CSMD1: variants seen among roughly 807,000 people sequenced by gnomAD.
CSMD1 encodes the protein CUB and Sushi multiple domains 1, also known as CUB and sushi domain-containing protein 1.
Under a neutral mutation model 417.5 loss-of-function variants are expected in CSMD1, and 213 were observed. The ratio of observed to expected loss-of-function variants is 0.51; its 90% CI spans 0.46 to 0.57. The LOEUF (loss-of-function observed/expected upper bound fraction) is 0.57, where lower values mean the gene tolerates loss of function less well. Ranked by LOEUF, CSMD1 falls within the 20% of genes least tolerant of loss-of-function variation. The pLI is 0.00. For missense variants in CSMD1, 6,923 were observed against 4,529.7 expected (o/e 1.53, Z -15.17); for synonymous variants, 2,862 against 1,736.8 (o/e 1.65, Z -16.11).
At chr8:3,704,803 C>T (rs1801074981) in intron 7 of CSMD1, 2 of 152,246 alleles carry the variant, frequency 1.3e-5, no homozygotes, top group African/African-American at 4.8e-5. Context: ...TCTCCCATTC[C>T]TTGTCATGAT....
intron 3 of CSMD1, among the ~76,000 whole-genome samples, chr8:4,339,170 G>C (rs1348815199): frequency 3.3e-5 from 5 of 152,068 alleles, no homozygotes; most frequent in African/African-American, 9.7e-5. Flanking sequence ...AAATTCTTGA[G>C]CCAGGCTTTA....
At chr8:3,542,638 G>T (rs998271467) in intron 10 of CSMD1, among the ~76,000 whole-genome samples, 5 of 152,156 alleles carry the variant, frequency 3.3e-5, no homozygotes, top group African/African-American at 1.2e-4. Context: ...ATACATAGGA[G>T]GTAACACAGG....
At chr8:4,240,929 A>G (rs1346054320) in intron 3 of CSMD1, among the ~76,000 whole-genome samples, 2 of 152,152 alleles carry the variant, frequency 1.3e-5, no homozygotes, top group Non-Finnish European at 2.9e-5. Flanking sequence ...TTATTTTTCC[A>G]TTACCAACTT....
At chr8:3,536,153 T>A (rs1253719329) in intron 10 of CSMD1, among the ~76,000 whole-genome samples, 1 of 152,210 alleles carries the variant, frequency 6.6e-6, no homozygotes, top group African/African-American at 2.4e-5. Flanking sequence ...TCAACTGTCA[T>A]TACATAGGAG....
chr8:4,523,042 T>A (rs1183059518), intron 2 of CSMD1, among the ~76,000 whole-genome samples: 1 of 152,188 alleles, frequency 6.6e-6, no homozygotes, highest in East Asian at 1.9e-4. Flanking sequence ...CAGGTTTTCA[T>A]AAGCTCTGCA....
chr8:3,968,326 A>T (rs1447855799), intron 5 of CSMD1, among the ~76,000 whole-genome samples: 1 of 152,186 alleles, frequency 6.6e-6, no homozygotes, highest in African/African-American at 2.4e-5. Context: ...TTGCCTGGAC[A>T]GAGGGCTATA....
At chr8:3,173,689 A>T (rs960311516) in intron 37 of CSMD1, among the ~76,000 whole-genome samples, 1 of 152,204 alleles carries the variant, frequency 6.6e-6, no homozygotes, top group Non-Finnish European at 1.5e-5. Context: ...GCACAGAATG[A>T]AATCTCTGTA....
At chr8:4,909,961 A>T (rs71523652) in intron 1 of CSMD1, among the ~76,000 whole-genome samples, 36,514 of 152,070 alleles carry the variant, frequency 0.24, 5,082 homozygotes, top group East Asian at 0.52. Context: ...CTTGTGGATG[A>T]TTTTACTATA....
intron 2 of CSMD1, among the ~76,000 whole-genome samples, chr8:4,492,154 G>C (rs981407006): frequency 1.3e-5 from 2 of 152,128 alleles, no homozygotes; most frequent in African/African-American, 4.8e-5. Flanking sequence ...TAGAGCACAG[G>C]AGTGCGATCA....
chr8:3,582,084 C>G (rs1011345284), intron 9 of CSMD1, among the ~76,000 whole-genome samples: 1 of 152,126 alleles, frequency 6.6e-6, no homozygotes. Context: ...CGTGAGCCAC[C>G]GCGCTGGCCA....
At chr8:4,397,349 A>G (rs1804310268) in intron 3 of CSMD1, among the ~76,000 whole-genome samples, 1 of 152,154 alleles carries the variant, frequency 6.6e-6, no homozygotes, top group African/African-American at 2.4e-5. Flanking sequence ...TCTTTCCATG[A>G]AAGAGGAAGT....
At chr8:3,105,592 T>C (rs893764770) in intron 46 of CSMD1, among the ~76,000 whole-genome samples, 1 of 152,262 alleles carries the variant, frequency 6.6e-6, no homozygotes, top group Non-Finnish European at 1.5e-5. Flanking sequence ...TCAGCCTCAG[T>C]ATCTTGTTCT....
At chr8:4,330,327 G>A (rs550140439) in intron 3 of CSMD1, among the ~76,000 whole-genome samples, 3 of 151,506 alleles carry the variant, frequency 2.0e-5, no homozygotes, top group African/African-American at 4.8e-5. Context: ...GGGCGTGCTG[G>A]CTCACACCTG....
chr8:4,908,064 A>C (rs1343128924), intron 1 of CSMD1, among the ~76,000 whole-genome samples: 1 of 152,286 alleles, frequency 6.6e-6, no homozygotes, highest in East Asian at 1.9e-4. Flanking sequence ...CCATTAATTT[A>C]AGGTGGTTTT....
Position 4,057,385 on chromosome 8 carries a change from T to C in CSMD1, c.416-25286A>G, listed in dbSNP as rs1037630818. On this transcript the variant is annotated intron_variant, in intron 3 of 69. Coordinates refer to ENST00000635120, the MANE Select transcript of CSMD1 (RefSeq NM_033225.6). ...GCCTACTTTTTGATGGGGTTATTTG[T>C]TTTTTTCTTGTAAATTTGTTTGAGT... Among the ~76,000 whole-genome samples, 3 of 119,942 alleles carry C rather than the reference T, an allele frequency of 2.5e-5. No homozygotes were observed. The Admixed American group carries it at 3.4e-4, about 14-fold the overall frequency. The allele number at this position is 119,942 out of a possible 152,430, so 78.7% of individuals were successfully genotyped here.
intron 6 of CSMD1, among the ~76,000 whole-genome samples, chr8:3,745,187 T>C (rs1327079865): frequency 6.6e-6 from 1 of 152,212 alleles, no homozygotes; most frequent in Non-Finnish European, 1.5e-5. Flanking sequence ...AACTCTATCA[T>C]TTCTCTGTTA....
At position 3,493,833 on chromosome 8, in the gene CSMD1, C is replaced by G. The variant is rs866538582; in HGVS notation, c.1345-107G>C. The G allele has an allele frequency of 5.0e-6, 4 of 802,332 alleles. No individual in the cohort carries two copies. The South Asian group carries it at 7.0e-5, about 14-fold the overall frequency. The allele number at this position is 802,332 out of a possible 1,614,324, so 49.7% of individuals were successfully genotyped here. A position where few individuals can be genotyped will look rare whatever the true frequency, so the allele number is the denominator to read the frequency against. On this transcript the variant is annotated intron_variant, in intron 10 of 69. Transcript: ENST00000635120. ...TACTGTTAAATTTTGCTCCTTAATG[C>G]CAATGTCAAATGATCCCAGAGCTGC...
intron 2 of CSMD1, among the ~76,000 whole-genome samples, chr8:4,593,261 C>T (rs899443077): frequency 4.6e-5 from 7 of 152,100 alleles, no homozygotes; most frequent in Admixed American, 6.5e-5. Flanking sequence ...GGAACATGAG[C>T]GTTAATATGA....
At chr8:3,721,412 C>A (rs561253647) in intron 6 of CSMD1, among the ~76,000 whole-genome samples, 1 of 152,092 alleles carries the variant, frequency 6.6e-6, no homozygotes, top group Non-Finnish European at 1.5e-5. Flanking sequence ...TCCCATGTTT[C>A]TGATTCCTCA....
Sources: allele counts gnomAD v4.1 joint callset (sites outside exome capture counted in the v4.1 genomes callset), GRCh38; gene constraint gnomAD v4.1.1; transcripts MANE v1.5; gene names NCBI Gene and HGNC (gene_info 2026-07-23, HGNC 2026-07-21).